The following TENM4 variants were observed in gnomAD, a reference collection of about 807,000 sequenced individuals.
TENM4 encodes teneurin transmembrane protein 4.
Under a neutral mutation model 243.3 loss-of-function variants are expected in TENM4, and 82 were observed. That is an observed-to-expected ratio of 0.34 (90% confidence interval 0.28 to 0.40). The LOEUF is 0.40. TENM4 is among the 10% of genes least tolerant of loss of function. The pLI is 1.00. For missense variants in TENM4, 3,138 were observed against 3,673.3 expected (o/e 0.85, Z 3.77); for synonymous variants, 1,412 against 1,456.3 (o/e 0.97, Z 0.69).
At chr11:79,436,594 C>G (rs370310351) in intron 1 of TENM4, among the ~76,000 whole-genome samples, 3 of 152,192 alleles carry the variant, frequency 2.0e-5, no homozygotes, top group Admixed American at 1.3e-4. Flanking sequence ...ACTCTAACAC[C>G]TAGCCTTCTA....
chr11:78,766,688 T>C (rs1437653907), intron 18 of TENM4, among the ~76,000 whole-genome samples: 1 of 142,884 alleles, frequency 7.0e-6, no homozygotes, highest in East Asian at 2.0e-4. Flanking sequence ...GGCTCAGTCA[T>C]ACTGTTCGGC....
chr11:79,365,728 G>A (rs1565316562), intron 1 of TENM4, among the ~76,000 whole-genome samples: 1 of 152,144 alleles, frequency 6.6e-6, no homozygotes, highest in Non-Finnish European at 1.5e-5. Flanking sequence ...AGGGAAGCAG[G>A]AGGAGCTAAG....
chr11:79,422,514 A>C (rs1156974143), intron 1 of TENM4, among the ~76,000 whole-genome samples: 1 of 152,126 alleles, frequency 6.6e-6, no homozygotes, highest in African/African-American at 2.4e-5. Context: ...TAAGAATGTC[A>C]TTCCCCAAAA....
chr11:79,056,843 C>T (rs1222822795), intron 6 of TENM4, among the ~76,000 whole-genome samples: 3 of 152,154 alleles, frequency 2.0e-5, no homozygotes, highest in Non-Finnish European at 4.4e-5. Flanking sequence ...GCTAAAGGAC[C>T]CGGAACTGGG....
In TENM4 at chr11:79,300,572, A is replaced by G. The variant is rs151183683; in HGVS notation, c.-320-3029T>C. ...TCACTTGTCATTTTACCAGCAGTAC[A>G]TGAGCATGCCAATTCCTCTCACTCC... On this transcript the variant is annotated intron_variant, in intron 1 of 33. Transcript: ENST00000278550. 5.7e-3 allele frequency among the ~76,000 whole-genome samples: 870 copies of G among 152,322 alleles called. 3 individuals are homozygous for G. Among genetic ancestry groups the G allele is most frequent in the Non-Finnish European group, 9.2e-3 (629 of 68,028 alleles).
At chr11:78,904,035 G>T in intron 6 of TENM4, 1 of 305,634 alleles carries the variant, frequency 3.3e-6, no homozygotes, top group South Asian at 2.8e-5. Flanking sequence ...ATATATGATG[G>T]TACACAGTAA....
chr11:79,011,346 C>A (rs1858635613), intron 6 of TENM4, among the ~76,000 whole-genome samples: 1 of 152,222 alleles, frequency 6.6e-6, no homozygotes, highest in Non-Finnish European at 1.5e-5. Context: ...TGTGTCCTTT[C>A]AGGTATCTGC....
intron 1 of TENM4, among the ~76,000 whole-genome samples, chr11:79,439,627 T>C (rs1859354248): frequency 1.4e-5 from 2 of 139,608 alleles, no homozygotes; most frequent in Admixed American, 1.4e-4. Flanking sequence ...TTCACCCAAG[T>C]AGTTGGTTGT....
At chr11:79,250,620 A>C (rs1855593887) in intron 2 of TENM4, among the ~76,000 whole-genome samples, 1 of 152,222 alleles carries the variant, frequency 6.6e-6, no homozygotes, top group Non-Finnish European at 1.5e-5. Context: ...CCAGGCCTTA[A>C]AAAAAGGAGC....
At chr11:79,417,780 C>G (rs983406470) in intron 1 of TENM4, among the ~76,000 whole-genome samples, 1 of 152,142 alleles carries the variant, frequency 6.6e-6, no homozygotes, top group South Asian at 2.1e-4. Context: ...CACTCCATAT[C>G]CCCCAGGTAT....
intron 4 of TENM4, among the ~76,000 whole-genome samples, chr11:79,130,776 T>C (rs1440649805): frequency 2.0e-5 from 3 of 152,164 alleles, no homozygotes; most frequent in East Asian, 1.9e-4. Context: ...TGAGCCGAGA[T>C]TGCACCACTG....
At chr11:78,771,899 T>A (rs945828460) in intron 17 of TENM4, among the ~76,000 whole-genome samples, 1 of 152,238 alleles carries the variant, frequency 6.6e-6, no homozygotes, top group African/African-American at 2.4e-5. Context: ...CCTGCCTGTC[T>A]GTCATTTATT....
intron 3 of TENM4, among the ~76,000 whole-genome samples, chr11:79,167,111 C>G (rs1413545736): frequency 6.7e-6 from 1 of 150,282 alleles, no homozygotes; most frequent in South Asian, 2.1e-4. Context: ...AGAGGCGGTT[C>G]AGGCCGGCAC....
chr11:79,416,364 A>T (rs1228545985), intron 1 of TENM4, among the ~76,000 whole-genome samples: 1 of 152,156 alleles, frequency 6.6e-6, no homozygotes, highest in African/African-American at 2.4e-5. Flanking sequence ...GTTGCTCCAT[A>T]TCCTCACCAA....
intron 1 of TENM4, among the ~76,000 whole-genome samples, chr11:79,321,574 C>T (rs967494773): frequency 3.5e-5 from 5 of 143,836 alleles, no homozygotes; most frequent in South Asian, 2.2e-4. Flanking sequence ...AGGAAGCAGG[C>T]GATCTCAGTT....
intron 6 of TENM4, among the ~76,000 whole-genome samples, chr11:78,967,188 C>T (rs1857455223): frequency 6.6e-6 from 1 of 152,218 alleles, no homozygotes; most frequent in African/African-American, 2.4e-5. Flanking sequence ...GACTCTCCCT[C>T]TTGCAACATT....
intron 16 of TENM4, among the ~76,000 whole-genome samples, chr11:78,783,334 A>G (rs1785823): frequency 0.59 from 89,840 of 152,078 alleles, 29,296 homozygotes; most frequent in Non-Finnish European, 0.75. Flanking sequence ...AATCCATCTT[A>G]GCCTGACTTC....
chr11:78,866,077 C>T (rs1232508925), intron 9 of TENM4, among the ~76,000 whole-genome samples: 6 of 152,208 alleles, frequency 3.9e-5, no homozygotes, highest in African/African-American at 1.4e-4. Flanking sequence ...CTTTGCACTG[C>T]TCTCCTCTAC....
intron 6 of TENM4, among the ~76,000 whole-genome samples, chr11:78,954,683 C>CA (rs1857172999): frequency 6.6e-6 from 1 of 152,076 alleles, no homozygotes; most frequent in African/African-American, 2.4e-5. Context: ...TGCCATATGG[C>CA]AAGTGGAATG....
Sources: allele counts gnomAD v4.1 joint callset (sites outside exome capture counted in the v4.1 genomes callset), GRCh38; gene constraint gnomAD v4.1.1; transcripts MANE v1.5; gene names NCBI Gene and HGNC (gene_info 2026-07-23, HGNC 2026-07-21).